Variants in KBTBD4 observed in about 807,000 individuals in gnomAD.
The protein encoded by KBTBD4 is kelch repeat and BTB domain containing 4, also known as kelch repeat and BTB domain-containing protein 4.
Under a neutral mutation model 43.9 loss-of-function variants are expected in KBTBD4, and 30 were observed. That is an observed-to-expected ratio of 0.68 (90% CI 0.51 to 0.93). The LOEUF (loss-of-function observed/expected upper bound fraction) is 0.93. Among genes scored for constraint, KBTBD4 ranks in the 40% least tolerant of loss-of-function variants. The pLI, the probability that KBTBD4 is intolerant of heterozygous loss-of-function variation, is 0.00. For missense variants in KBTBD4, 575 were observed against 668.8 expected (o/e 0.86, Z 1.55); for synonymous variants, 258 against 256.9 (o/e 1.00, Z -0.04).
chr11:47,578,851 G>T, intron 1 of KBTBD4, 82 bp downstream of exon 1: 1 of 1,545,402 alleles, frequency 6.5e-7, no homozygotes, highest in South Asian at 1.2e-5. Flanking sequence ...CAGCGTCCTC[G>T]CCTTCTCTCT....
At chr11:47,575,292 A>G (rs188461258) in intron 3 of KBTBD4, among the ~76,000 whole-genome samples, 2 of 151,576 alleles carry the variant, frequency 1.3e-5, no homozygotes, top group Non-Finnish European at 1.5e-5. Context: ...GCGGATCACG[A>G]GGTCAGGAGA....
intron 1 of KBTBD4, 181 bp downstream of exon 1, chr11:47,578,752 A>G (rs1169743634): frequency 7.4e-5 from 110 of 1,491,196 alleles, no homozygotes; most frequent in Non-Finnish European, 8.1e-6. Flanking sequence ...CGCCCTCGTC[A>G]AAAGCTTGGC....
At chr11:47,576,219 T>G (rs1281148926) in intron 2 of KBTBD4, among the ~76,000 whole-genome samples, 1 of 128,216 alleles carries the variant, frequency 7.8e-6, no homozygotes, top group Non-Finnish European at 1.6e-5. Flanking sequence ...CAGGCTGGAG[T>G]GCAGTGGCGT....
At position 47,572,792 on chromosome 11, in the gene KBTBD4, T is replaced by C. The variant is rs769773476; in HGVS notation, c.*138A>G. ...AAAAGCCCCAAACAGAACACCTCCA[T>C]GGATTCAGGGAAGGGCTGAGGCACT... On this transcript the variant is annotated 3_prime_UTR_variant, in exon 4 of 4. Coordinates refer to ENST00000430070, the MANE Select transcript of KBTBD4 (RefSeq NM_018095.6). The C allele has an allele frequency of 2.0e-5, 18 of 895,598 alleles. No individual in the cohort carries two copies. Among genetic ancestry groups the C allele is most frequent in the Non-Finnish European group, 3.0e-5 (18 of 597,066 alleles). The allele number at this position is 895,598 out of a possible 1,614,324, so 55.5% of individuals were successfully genotyped here.
At chr11:47,578,466 A>G (rs1349776470) in intron 1 of KBTBD4, 14 of 587,060 alleles carry the variant, frequency 2.4e-5, no homozygotes, top group Non-Finnish European at 3.6e-5. Context: ...CCTAGTGGCC[A>G]GGTCCTCTCC....
chr11:47,577,243 A>G (rs920100459), intron 2 of KBTBD4, among the ~76,000 whole-genome samples, 168 bp downstream of exon 2: 1 of 152,204 alleles, frequency 6.6e-6, no homozygotes, highest in African/African-American at 2.4e-5. Context: ...CAGCAATTAC[A>G]CTGAATCTCA....
chr11:47,576,335 T>G (rs1046307314), intron 2 of KBTBD4: 5 of 149,480 alleles, frequency 3.3e-5, no homozygotes, highest in African/African-American at 1.2e-4. Context: ...CCCAGGTAAT[T>G]TTTTGTACTT....
chr11:47,578,748 C>A, intron 1 of KBTBD4, 185 bp downstream of exon 1: 2 of 1,484,376 alleles, frequency 1.3e-6, no homozygotes, highest in Middle Eastern at 2.1e-4. Flanking sequence ...CGCCCGCCCT[C>A]GTCAAAAGCT....
At chr11:47,577,284 A>G (rs1308559199) in intron 2 of KBTBD4, 127 bp downstream of exon 2, 2 of 931,580 alleles carry the variant, frequency 2.1e-6, no homozygotes, top group Non-Finnish European at 3.2e-6. Context: ...TTATCTCAGT[A>G]AGAATGCAGG....
intron 2 of KBTBD4, 125 bp downstream of exon 2, chr11:47,577,286 G>T: frequency 2.1e-6 from 2 of 941,138 alleles, no homozygotes; most frequent in Non-Finnish European, 1.6e-6. Context: ...ATCTCAGTAA[G>T]AATGCAGGAA....
At position 47,577,913 on chromosome 11, in the gene KBTBD4, AC is replaced by A. The variant is rs778894564; in HGVS notation, c.134del (p.Arg45LeufsTer7). ...YTFKDRSHSG[R>X]VAQGIMKLCL... is the part of the protein sequence containing the mutation. ...ACAGTTTCATGATGCCTTGAGCCAC[AC>A]GGCCTGAATGTGACCGATCTTTGAA... On this transcript the variant is annotated frameshift_variant, in exon 2 of 4. Coordinates refer to ENST00000430070, the MANE Select transcript of KBTBD4 (RefSeq NM_018095.6). LOFTEE classifies it high-confidence loss of function. 3 of 1,614,074 alleles carry A rather than the reference AC, an allele frequency of 1.9e-6. No individual in the cohort carries two copies. Among genetic ancestry groups the A allele is most frequent in the African/African-American group, 1.3e-5 (1 of 74,914 alleles).
chr11:47,573,005 G>A lies in KBTBD4; in HGVS notation c.1530C>T (p.Asp510=), dbSNP rs2097252074. 2 of 1,614,054 alleles carry A rather than the reference G, an allele frequency of 1.2e-6. No homozygotes were observed. The highest frequency in any genetic ancestry group is 2.7e-5 in the African/African-American group (2 of 74,910). Residue 510 remains aspartate (D), a synonymous_variant, in exon 4 of 4, where the codon GAC becomes GAT. Transcript: ENST00000430070. The surrounding 1 kb of genome is among the most constrained non-coding windows in gnomAD (Gnocchi z 4.1). Reference sequence around the variant, plus strand: ...TGACAGTTACGGCTGAAGTGGCAGGGTCAAGCTTGTAGGTGTTGGCATCCC... The same window carrying A: ...TGACAGTTACGGCTGAAGTGGCAGGATCAAGCTTGTAGGTGTTGGCATCCC... The part of the protein sequence containing the change: ...KKGDANTYKL[D]PATSAVTVTR...
chr11:47,575,680 C>G lies in KBTBD4; in HGVS notation c.657G>C (p.Gln219His). Residue 219 changes from glutamine (Q) to histidine (H), a missense_variant, in exon 3 of 4, where the codon CAG becomes CAC. By Grantham distance (24) the Gln-to-His change is conservative (BLOSUM62 0). Transcript: ENST00000430070. ...AGGCTTCTATTGCCTCTGTTGGGTT[C>G]TGAGAACACGGAACTCCATCTGTGA... The part of the protein sequence containing the change: ...DIISDGVPCS[Q>H]NPTEAIEAWI... 6.2e-7 allele frequency: 1 copy of G among 1,610,002 alleles called. No individual in the cohort carries two copies. The highest frequency in any genetic ancestry group is 8.5e-7 in the Non-Finnish European group (1 of 1,178,472).
Position 47,577,918 on chromosome 11 carries a change from C to G in KBTBD4, c.130G>C (p.Gly44Arg). The G allele has an allele frequency of 6.2e-7, 1 of 1,614,218 alleles. No individual in the cohort carries two copies. The highest frequency in any genetic ancestry group is 8.5e-7 in the Non-Finnish European group (1 of 1,180,046). Reference protein sequence around the residue: ...NYTFKDRSHSGRVAQGIMKLC... With the variant: ...NYTFKDRSHSRRVAQGIMKLC... Reference sequence around the variant, plus strand: ...TTCATGATGCCTTGAGCCACACGGCCTGAATGTGACCGATCTTTGAAAGTG... The same window carrying G: ...TTCATGATGCCTTGAGCCACACGGCGTGAATGTGACCGATCTTTGAAAGTG... Residue 44 changes from glycine (G) to arginine (R), a missense_variant, in exon 2 of 4, where the codon GGC becomes CGC. Gly to Arg is a moderately radical substitution (Grantham distance 125). Transcript: ENST00000430070.
At chr11:47,575,558 G>T in intron 3 of KBTBD4, 35 bp downstream of exon 3, 3 of 1,258,082 alleles carry the variant, frequency 2.4e-6, no homozygotes, top group Non-Finnish European at 3.5e-6. Flanking sequence ...TGCATGGAGA[G>T]TATGCAGTCT....
Position 47,572,772 on chromosome 11 carries a change from C to T in KBTBD4, c.*158G>A, listed in dbSNP as rs888062930. ...AGCTGAGCAGCAGCAGTCTAAAAAG[C>T]CCCAAACAGAACACCTCCATGGATT... On this transcript the variant is annotated 3_prime_UTR_variant, in exon 4 of 4. Coordinates refer to ENST00000430070, the MANE Select transcript of KBTBD4 (RefSeq NM_018095.6). 6.6e-6 allele frequency: 5 copies of T among 755,504 alleles called. No individual in the cohort carries two copies. The highest frequency in any genetic ancestry group is 1.1e-5 in the Non-Finnish European group (5 of 475,846). The allele number at this position is 755,504 out of a possible 1,614,324, so 46.8% of individuals were successfully genotyped here.
chr11:47,578,913 T>C lies in KBTBD4; in HGVS notation c.19+20A>G, dbSNP rs556385572. 1 of 1,551,634 alleles carries C rather than the reference T, an allele frequency of 6.4e-7. No individual in the cohort carries two copies. Among genetic ancestry groups the C allele is most frequent in the East Asian group, 2.4e-5 (1 of 40,920 alleles). ...ACGCTCACCTCACGATTTCCCTACC[T>C]GCCTGTCTCGCTTTCTCACCTGCGT... On this transcript the variant is annotated intron_variant, in intron 1 of 3. Transcript: ENST00000430070.
At position 47,572,634 on chromosome 11, in the gene KBTBD4, A is replaced by G; in HGVS notation, c.*296T>C. ...ATTTAACATTGATCAGGTAAAGAGGAGAGGCTGTGCCTAAGGTCTGAGAAA... is the reference window on the plus strand; with the variant it reads ...ATTTAACATTGATCAGGTAAAGAGGGGAGGCTGTGCCTAAGGTCTGAGAAA... On this transcript the variant is annotated 3_prime_UTR_variant, in exon 4 of 4. Transcript: ENST00000430070. 1 of 417,586 alleles carries G rather than the reference A, an allele frequency of 2.4e-6. No individual in the cohort carries two copies. Among genetic ancestry groups the G allele is most frequent in the Non-Finnish European group, 4.3e-6 (1 of 231,932 alleles). 25.9% of individuals were successfully genotyped at this position (417,586 alleles called of 1,614,324 possible).
Position 47,573,402 on chromosome 11 carries a change from G to C in KBTBD4, c.1133C>G (p.Thr378Ser), listed in dbSNP as rs2097253319. ...CCCTGACACAGCCACCTCTAGCTGA[G>C]TTGTCTCTGTCCACACATTATCACC... Reference protein sequence around the residue: ...RVGDNVWTETTQLEVAVSGAA... With the variant: ...RVGDNVWTETSQLEVAVSGAA... Residue 378 changes from threonine to serine, a missense_variant, in exon 4 of 4, where the codon ACT becomes AGT. Physicochemically the swap from Thr to Ser is moderately conservative, Grantham distance 58. Transcript: ENST00000430070. The surrounding 1 kb of genome is among the most constrained non-coding windows in gnomAD (Gnocchi z 4.1). The C allele has an allele frequency of 6.2e-7, 1 of 1,614,076 alleles. No individual in the cohort carries two copies. Among genetic ancestry groups the C allele is most frequent in the African/African-American group, 1.3e-5 (1 of 74,910 alleles).
Sources: gnomAD v4.1 joint callset for allele counts (sites outside exome capture counted in the v4.1 genomes callset) on GRCh38, gnomAD v4.1.1 for gene constraint, Gnocchi (gnomAD v3.1) non-coding constraint, MANE v1.5 for transcripts, NCBI Gene and HGNC (gene_info 2026-07-23, HGNC 2026-07-21) for gene names.